SGCZ: variants seen among roughly 807,000 people sequenced by gnomAD.
SGCZ encodes zeta-sarcoglycan.
A neutral mutation model predicts 41.3 loss-of-function variants in SGCZ; 40 were observed. That is an observed-to-expected ratio of 0.97 (90% CI 0.75 to 1.26). The LOEUF (loss-of-function observed/expected upper bound fraction) is 1.26. SGCZ is among the 50% of genes most tolerant of loss of function. SGCZ has a pLI of 0.00. For synonymous variants in SGCZ, 206 were observed against 137.5 expected, an observed-to-expected ratio of 1.50 and a Z score of -3.49; for missense variants, 552 against 369.8, an observed-to-expected ratio of 1.49 and a Z score of -4.04.
chr8:14,619,241 C>T (rs563007311), intron 1 of SGCZ, among the ~76,000 whole-genome samples: 1 of 152,038 alleles, frequency 6.6e-6, no homozygotes, highest in African/African-American at 2.4e-5. Context: ...AATTCAACAA[C>T]CTTCATGCTA....
intron 1 of SGCZ, among the ~76,000 whole-genome samples, chr8:14,869,331 CA>C (rs1184179080): frequency 6.6e-6 from 1 of 152,088 alleles, no homozygotes; most frequent in Non-Finnish European, 1.5e-5. Flanking sequence ...GAATCAATCA[CA>C]AAAAACACAT....
intron 1 of SGCZ, among the ~76,000 whole-genome samples, chr8:15,004,116 A>G (rs1334813904): frequency 1.3e-5 from 2 of 152,128 alleles, no homozygotes; most frequent in Non-Finnish European, 2.9e-5. Flanking sequence ...AAGGCTCCGT[A>G]AGACCCCCAG....
chr8:14,886,071 G>T (rs939646838), intron 1 of SGCZ, among the ~76,000 whole-genome samples: 2 of 127,398 alleles, frequency 1.6e-5, no homozygotes, highest in East Asian at 2.6e-4. Flanking sequence ...TAAGGTAATA[G>T]CACATTAATT....
At chr8:14,098,508 G>C (rs111561554) in intron 7 of SGCZ, among the ~76,000 whole-genome samples, 9 of 152,124 alleles carry the variant, frequency 5.9e-5, no homozygotes, top group African/African-American at 1.2e-4. Flanking sequence ...GGCTTGTGTA[G>C]TTCAGTCCCT....
intron 2 of SGCZ, among the ~76,000 whole-genome samples, chr8:14,400,428 G>C (rs1425474520): frequency 3.3e-5 from 5 of 152,006 alleles, no homozygotes; most frequent in African/African-American, 9.7e-5. Flanking sequence ...TGACTATAAA[G>C]AATAATACAT....
intron 1 of SGCZ, among the ~76,000 whole-genome samples, chr8:14,592,057 T>C (rs374929915): frequency 6.0e-4 from 91 of 152,148 alleles, no homozygotes; most frequent in Non-Finnish European, 7.9e-4. Flanking sequence ...TTATATCATC[T>C]CCCAAAATAT....
chr8:15,221,312 G>C (rs1801593642), intron 1 of SGCZ, among the ~76,000 whole-genome samples: 2 of 152,136 alleles, frequency 1.3e-5, no homozygotes, highest in African/African-American at 2.4e-5. Context: ...ACATGGGAGT[G>C]GGGGAGTGGG....
chr8:14,294,792 A>T lies in SGCZ; in HGVS notation c.336+29311T>A, dbSNP rs78106691. Among the ~76,000 whole-genome samples the T allele has an allele frequency of 6.9e-3, 1,054 of 152,190 alleles. 13 individuals are homozygous for T. Among genetic ancestry groups the T allele is most frequent in the African/African-American group, 0.024 (998 of 41,554 alleles). ...AAGATATCTATCATCTAAAACATAGATGTCACATAAACATATGAAATCGCT... is the reference window on the plus strand; with the variant it reads ...AAGATATCTATCATCTAAAACATAGTTGTCACATAAACATATGAAATCGCT... On this transcript the variant is annotated intron_variant, in intron 3 of 7. Coordinates refer to ENST00000382080, the MANE Select transcript of SGCZ (RefSeq NM_139167.4).
intron 1 of SGCZ, among the ~76,000 whole-genome samples, chr8:14,989,866 T>C (rs1801948462): frequency 6.6e-6 from 1 of 152,088 alleles, no homozygotes; most frequent in South Asian, 2.1e-4. Flanking sequence ...GGATGAACAA[T>C]GAAGTGAAGG....
At chr8:14,231,265 GAGACAGAGAC>G (rs1467426487) in intron 4 of SGCZ, among the ~76,000 whole-genome samples, 2 of 151,438 alleles carry the variant, frequency 1.3e-5, no homozygotes, top group African/African-American at 4.9e-5. Context: ...GAGAGAGAGA[GAGACAGAGAC>G]AGAGAGAGAG....
At chr8:15,134,249 T>C (rs1040937168) in intron 1 of SGCZ, among the ~76,000 whole-genome samples, 3 of 151,552 alleles carry the variant, frequency 2.0e-5, no homozygotes, top group African/African-American at 4.8e-5. Context: ...GGTAGTATCA[T>C]CTCATAAACA....
intron 4 of SGCZ, among the ~76,000 whole-genome samples, chr8:14,189,990 A>T (rs1301457655): frequency 6.7e-6 from 1 of 148,872 alleles, no homozygotes; most frequent in Non-Finnish European, 1.5e-5. Flanking sequence ...GAAATGGGAG[A>T]ATCTACTTTT....
intron 1 of SGCZ, among the ~76,000 whole-genome samples, chr8:15,151,663 A>G (rs1799183117): frequency 6.6e-6 from 1 of 152,250 alleles, no homozygotes; most frequent in Non-Finnish European, 1.5e-5. Flanking sequence ...ACATGTATAC[A>G]CATACATAAA....
intron 2 of SGCZ, among the ~76,000 whole-genome samples, chr8:14,334,473 G>A (rs1171281440): frequency 6.6e-6 from 1 of 152,002 alleles, no homozygotes; most frequent in East Asian, 1.9e-4. Flanking sequence ...AGTCGGGGCA[G>A]GTACTACAGG....
rs531828063 is a variant in SGCZ at position 14,093,842 on chromosome 8, T to G, written c.745-3205A>C. Among the ~76,000 whole-genome samples, 7 of 152,262 alleles carry G rather than the reference T, an allele frequency of 4.6e-5. No homozygotes were observed. In the South Asian group the frequency reaches 1.2e-3, roughly 27 times the overall value. ...AATAATGCTAATCTTTCTTCTCTCA[T>G]TAACAGTTATACTTTTCTCTATAGT... On this transcript the variant is annotated intron_variant, in intron 7 of 7. Coordinates refer to ENST00000382080, the MANE Select transcript of SGCZ (RefSeq NM_139167.4).
chr8:15,164,593 T>C (rs1356217485), intron 1 of SGCZ, among the ~76,000 whole-genome samples: 1 of 152,064 alleles, frequency 6.6e-6, no homozygotes, highest in East Asian at 1.9e-4. Flanking sequence ...TAAACTTTTT[T>C]TTTTTTTCCT....
intron 1 of SGCZ, among the ~76,000 whole-genome samples, chr8:14,612,961 C>T (rs536595773): frequency 6.6e-6 from 1 of 152,298 alleles, no homozygotes; most frequent in East Asian, 1.9e-4. Flanking sequence ...GCTGGGATTA[C>T]AGGCGTGAGC....
At chr8:14,407,139 G>A (rs1312054690) in intron 2 of SGCZ, among the ~76,000 whole-genome samples, 1 of 144,396 alleles carries the variant, frequency 6.9e-6, no homozygotes, top group Non-Finnish European at 1.5e-5. Flanking sequence ...TGCCATCTGG[G>A]TACACTGCAA....
At chr8:14,717,929 A>G (rs1809744632) in intron 1 of SGCZ, among the ~76,000 whole-genome samples, 1 of 151,106 alleles carries the variant, frequency 6.6e-6, no homozygotes, top group Non-Finnish European at 1.5e-5. Flanking sequence ...TCATCCCTCT[A>G]TGTTAATCAT....
Sources: gnomAD v4.1 joint callset for allele counts (sites outside exome capture counted in the v4.1 genomes callset) on GRCh38, gnomAD v4.1.1 for gene constraint, MANE v1.5 for transcripts, NCBI Gene and HGNC (gene_info 2026-07-23, HGNC 2026-07-21) for gene names.